The following PDGFD variants were observed in gnomAD, a reference collection of about 807,000 sequenced individuals.
PDGFD encodes the protein platelet derived growth factor D, also known as platelet-derived growth factor D.
In PDGFD, 30 loss-of-function variants were observed where a neutral mutation model predicts 44.7. The observed-to-expected ratio is 0.67, with a 90% confidence interval of 0.50 to 0.91. The LOEUF is 0.91. PDGFD is among the 40% of genes least tolerant of loss of function. The pLI is 0.00. For missense variants in PDGFD, 445 were observed against 457.8 expected, an observed-to-expected ratio of 0.97 and a Z score of 0.25; for synonymous variants, 173 against 168.4, an observed-to-expected ratio of 1.03 and a Z score of -0.21.
chr11:104,018,854 G>A (rs1210400309), intron 1 of PDGFD, among the ~76,000 whole-genome samples: 1 of 152,180 alleles, frequency 6.6e-6, no homozygotes, highest in Non-Finnish European at 1.5e-5. Context: ...TGCTGTTGCG[G>A]ATTTGTGCCT....
At chr11:104,069,177 C>T (rs1161093823) in intron 1 of PDGFD, among the ~76,000 whole-genome samples, 1 of 152,126 alleles carries the variant, frequency 6.6e-6, no homozygotes, top group African/African-American at 2.4e-5. Context: ...TTCTCTTTCA[C>T]GACACGGACA....
intron 1 of PDGFD, among the ~76,000 whole-genome samples, chr11:104,146,147 A>C (rs551252763): frequency 2.6e-5 from 4 of 152,232 alleles, no homozygotes; most frequent in Non-Finnish European, 5.9e-5. Flanking sequence ...TTCGACAAAC[A>C]CTGAATTAAC....
intron 3 of PDGFD, among the ~76,000 whole-genome samples, chr11:103,974,284 T>C (rs1286586519): frequency 1.3e-5 from 2 of 152,062 alleles, no homozygotes; most frequent in Non-Finnish European, 2.9e-5. Flanking sequence ...TTCATCAAGA[T>C]GGGATGGGGA....
At chr11:104,066,887 G>C (rs1398277664) in intron 1 of PDGFD, among the ~76,000 whole-genome samples, 1 of 152,016 alleles carries the variant, frequency 6.6e-6, no homozygotes, top group Non-Finnish European at 1.5e-5. Flanking sequence ...CCAAATTCTA[G>C]GAGAATTTGC....
At chr11:103,929,280 T>C (rs898473249) in intron 5 of PDGFD, among the ~76,000 whole-genome samples, 3 of 152,304 alleles carry the variant, frequency 2.0e-5, no homozygotes, top group African/African-American at 7.2e-5. Context: ...GGATGGTCAG[T>C]AAGCCATTAG....
At chr11:103,986,984 A>T (rs1045162030) in intron 3 of PDGFD, among the ~76,000 whole-genome samples, 2 of 152,124 alleles carry the variant, frequency 1.3e-5, no homozygotes, top group African/African-American at 4.8e-5. Flanking sequence ...CGCAACCAGG[A>T]ACTGACTGAG....
At chr11:104,017,517 C>T (rs970638070) in intron 1 of PDGFD, among the ~76,000 whole-genome samples, 14 of 152,166 alleles carry the variant, frequency 9.2e-5, no homozygotes, top group Non-Finnish European at 1.8e-4. Context: ...TATTCTTCAT[C>T]ACTGTTCTGC....
At chr11:103,919,907 T>TA (rs965152138) in intron 6 of PDGFD, among the ~76,000 whole-genome samples, 14 of 152,190 alleles carry the variant, frequency 9.2e-5, no homozygotes, top group Non-Finnish European at 1.5e-4. Context: ...ATAGCCTTTA[T>TA]AAAAAATGTA....
chr11:103,984,973 T>G (rs1287605893), intron 3 of PDGFD, among the ~76,000 whole-genome samples: 1 of 126,668 alleles, frequency 7.9e-6, no homozygotes, highest in Non-Finnish European at 1.6e-5. Context: ...TTATATTTAT[T>G]TAATATATAA....
intron 3 of PDGFD, among the ~76,000 whole-genome samples, chr11:103,962,257 C>A (rs2134337802): frequency 6.6e-6 from 1 of 152,258 alleles, no homozygotes; most frequent in Admixed American, 6.5e-5. Flanking sequence ...ACAATTTAGT[C>A]CTATCTTATC....
intron 1 of PDGFD, among the ~76,000 whole-genome samples, chr11:104,030,928 C>T (rs1311876690): frequency 2.6e-5 from 4 of 152,178 alleles, no homozygotes; most frequent in Non-Finnish European, 2.9e-5. Flanking sequence ...GCAACCACAA[C>T]ATTTTATTTA....
intron 1 of PDGFD, among the ~76,000 whole-genome samples, chr11:104,120,310 A>G (rs361296): frequency 0.49 from 73,749 of 151,374 alleles, 17,984 homozygotes; most frequent in African/African-American, 0.52. Context: ...TTTGTTTACC[A>G]TGCCACTGGA....
At chr11:104,147,532 G>C (rs1565348476) in intron 1 of PDGFD, among the ~76,000 whole-genome samples, 1 of 152,138 alleles carries the variant, frequency 6.6e-6, no homozygotes, top group Non-Finnish European at 1.5e-5. Flanking sequence ...TTATATTGCT[G>C]TAATATTTTT....
In PDGFD at chr11:103,947,689, G is replaced by GT; in HGVS notation, c.545dup (p.Asn182LysfsTer15). 1 of 1,613,564 alleles carries GT rather than the reference G, an allele frequency of 6.2e-7. No individual in the cohort carries two copies. The highest frequency in any genetic ancestry group is 8.5e-7 in the Non-Finnish European group (1 of 1,179,588). On this transcript the variant is annotated frameshift_variant, in exon 4 of 7. Transcript: ENST00000393158. LOFTEE classifies it high-confidence loss of function. ...AAATAGAGCTTGTGACAGATTCCCA[G>GT]TTGGTCTCTGAAGCTGCTGCGGGTT...
intron 1 of PDGFD, among the ~76,000 whole-genome samples, chr11:104,048,154 T>C (rs1228646132): frequency 6.6e-6 from 1 of 152,102 alleles, no homozygotes; most frequent in Non-Finnish European, 1.5e-5. Flanking sequence ...ACTTTTCTTA[T>C]ACTCTAAAAA....
chr11:104,074,404 C>T (rs913470852), intron 1 of PDGFD, among the ~76,000 whole-genome samples: 17 of 152,162 alleles, frequency 1.1e-4, no homozygotes, highest in Non-Finnish European at 2.9e-5. Context: ...TAAGTTGGAA[C>T]ATCTTAAATG....
chr11:104,065,567 A>G (rs1860778151), intron 1 of PDGFD, among the ~76,000 whole-genome samples: 1 of 152,230 alleles, frequency 6.6e-6, no homozygotes. Context: ...AAACTTCTTA[A>G]AATAGAATTG....
chr11:104,023,705 A>T (rs910876062), intron 1 of PDGFD, among the ~76,000 whole-genome samples: 1 of 152,098 alleles, frequency 6.6e-6, no homozygotes, highest in African/African-American at 2.4e-5. Flanking sequence ...TGATCTGGAG[A>T]TTTGCTCAGC....
intron 1 of PDGFD, among the ~76,000 whole-genome samples, chr11:104,027,617 T>G (rs1314621115): frequency 6.6e-6 from 1 of 152,218 alleles, no homozygotes; most frequent in Non-Finnish European, 1.5e-5. Flanking sequence ...GCTCTACTTT[T>G]GTTACTTCAA....
Sources: gnomAD v4.1 joint callset for allele counts (sites outside exome capture counted in the v4.1 genomes callset) on GRCh38, gnomAD v4.1.1 for gene constraint, MANE v1.5 for transcripts, NCBI Gene and HGNC (gene_info 2026-07-23, HGNC 2026-07-21) for gene names.